The following ROBO2 variants were observed in gnomAD, a reference collection of about 807,000 sequenced individuals.
ROBO2 encodes the protein roundabout homolog 2.
A neutral mutation model predicts 160.8 loss-of-function variants in ROBO2; 53 were observed. The ratio of observed to expected loss-of-function variants is 0.33; its 90% CI spans 0.26 to 0.41. The LOEUF (loss-of-function observed/expected upper bound fraction) is 0.41, where lower values mean the gene tolerates loss of function less well. Ranked by LOEUF, ROBO2 falls within the 10% of genes least tolerant of loss-of-function variation. ROBO2 has a pLI of 1.00. For synonymous variants in ROBO2, 664 were observed against 611.7 expected, an observed-to-expected ratio of 1.09 and a Z score of -1.26; for missense variants, 1,577 against 1,722.4, an observed-to-expected ratio of 0.92 and a Z score of 1.49.
rs576685758 is a variant in ROBO2 at position 76,373,031 on chromosome 3, A to T, written c.109+435429A>T. On this transcript the variant is annotated intron_variant, in intron 2 of 26. Coordinates refer to the ROBO2 transcript ENST00000487694. ...CATATGTGAGCATCAGCATGAGTTC[A>T]CTTTCCCCACCAAAGAAAACTGTTT... Among the ~76,000 whole-genome samples the T allele has an allele frequency of 4.2e-4, 64 of 152,140 alleles. 1 individual carries two copies. The South Asian group carries it at 0.013, about 30-fold the overall frequency.
intron 2 of ROBO2, among the ~76,000 whole-genome samples, chr3:77,032,233 C>T (rs766997636): frequency 9.2e-5 from 14 of 152,144 alleles, no homozygotes; most frequent in Non-Finnish European, 1.6e-4. Flanking sequence ...GAAATCACTG[C>T]TGGCGAATAC....
At chr3:76,895,933 G>A (rs1000393332) in intron 2 of ROBO2, among the ~76,000 whole-genome samples, 2 of 152,106 alleles carry the variant, frequency 1.3e-5, no homozygotes, top group African/African-American at 2.4e-5. Flanking sequence ...GTAATAGGAC[G>A]CTTTCCTTTT....
intron 2 of ROBO2, among the ~76,000 whole-genome samples, chr3:76,958,382 C>A (rs1405584129): frequency 2.6e-5 from 4 of 152,236 alleles, no homozygotes; most frequent in Non-Finnish European, 5.9e-5. Flanking sequence ...TGATTTTTAT[C>A]TGTCTGCTCT....
In ROBO2 at chr3:76,132,396, G is replaced by T. The variant is rs928613858; in HGVS notation, c.109+194794G>T. 7.1e-4 allele frequency among the ~76,000 whole-genome samples: 65 copies of T among 91,794 alleles called. 3 individuals are homozygous for T. Among genetic ancestry groups the T allele is most frequent in the African/African-American group, 4.7e-3 (62 of 13,226 alleles). 60.2% of individuals were successfully genotyped at this position (91,794 alleles called of 152,430 possible). On this transcript the variant is annotated intron_variant, in intron 2 of 26. Coordinates refer to the ROBO2 transcript ENST00000487694. ...CACCTGCCCAAATTCCAGACTGTTG[G>T]GGGGGGGGGGGGACGCAGATGTTCA...
At chr3:77,219,483 T>A (rs1286346295) in intron 2 of ROBO2, among the ~76,000 whole-genome samples, 4 of 109,302 alleles carry the variant, frequency 3.7e-5, no homozygotes, top group Non-Finnish European at 4.0e-5. Context: ...TATATATATA[T>A]AATCTGTATA....
chr3:76,311,115 G>C (rs1449447813), intron 2 of ROBO2: 6 of 152,172 alleles, frequency 3.9e-5, no homozygotes, highest in Admixed American at 3.3e-4. Flanking sequence ...CTGAGGAGAA[G>C]GAGCCGGATC....
At chr3:75,979,332 T>A (rs575450840) in intron 2 of ROBO2, among the ~76,000 whole-genome samples, 1 of 151,548 alleles carries the variant, frequency 6.6e-6, no homozygotes, top group African/African-American at 2.4e-5. Context: ...GAGATAATAA[T>A]AGACTTGCTT....
At chr3:76,782,618 T>C (rs72894270) in intron 2 of ROBO2, among the ~76,000 whole-genome samples, 1,554 of 150,906 alleles carry the variant, frequency 0.01, 22 homozygotes, top group African/African-American at 0.035. Flanking sequence ...CATGACTTTG[T>C]TCTTTTGTAA....
chr3:76,419,455 A>G (rs910489914), intron 2 of ROBO2, among the ~76,000 whole-genome samples: 2 of 151,548 alleles, frequency 1.3e-5, no homozygotes, highest in African/African-American at 4.8e-5. Flanking sequence ...TTTTTTTTAA[A>G]TTTAACCTGG....
intron 2 of ROBO2, among the ~76,000 whole-genome samples, chr3:76,669,231 G>A (rs922056045): frequency 1.3e-5 from 2 of 152,132 alleles, no homozygotes; most frequent in African/African-American, 4.8e-5. Flanking sequence ...CTGATGAGAA[G>A]AGAAGGCATT....
intron 2 of ROBO2, among the ~76,000 whole-genome samples, chr3:76,142,519 T>A (rs1291629190): frequency 1.3e-5 from 2 of 151,956 alleles, no homozygotes; most frequent in Non-Finnish European, 2.9e-5. Flanking sequence ...ACAACATGGA[T>A]GGTACTGGAG....
At chr3:76,899,205 C>G (rs1197531961) in intron 2 of ROBO2, among the ~76,000 whole-genome samples, 1 of 152,010 alleles carries the variant, frequency 6.6e-6, no homozygotes, top group African/African-American at 2.4e-5. Flanking sequence ...AGCTCTTCAT[C>G]AGGGATTTAA....
intron 2 of ROBO2, among the ~76,000 whole-genome samples, chr3:76,773,187 G>A (rs1192817288): frequency 6.6e-6 from 1 of 150,888 alleles, no homozygotes; most frequent in African/African-American, 2.4e-5. Flanking sequence ...GTCACAACAT[G>A]ATTAAATCTG....
At chr3:76,428,877 G>T (rs1341920797) in intron 2 of ROBO2, among the ~76,000 whole-genome samples, 2 of 152,078 alleles carry the variant, frequency 1.3e-5, no homozygotes, top group Admixed American at 6.6e-5. Context: ...CTTCACGGTC[G>T]TGGGACTGAC....
chr3:77,404,465 A>G (rs1181823551), intron 2 of ROBO2, among the ~76,000 whole-genome samples: 1 of 152,178 alleles, frequency 6.6e-6, no homozygotes, highest in South Asian at 2.1e-4. Context: ...CACAAATAAC[A>G]AAGGATCATA....
chr3:77,518,074 A>G lies in ROBO2; in HGVS notation c.807-4701A>G, dbSNP rs561894266. Among the ~76,000 whole-genome samples the G allele has an allele frequency of 2.6e-5, 4 of 151,672 alleles. No individual in the cohort carries two copies. In the East Asian group the frequency reaches 5.8e-4, roughly 22 times the overall value. Reference sequence around the variant, plus strand: ...AAAGCTGTCTTGTAGGAGAGAGAGTATACTTTTCTGTTTGGCACAAGGAGT... The same window carrying G: ...AAAGCTGTCTTGTAGGAGAGAGAGTGTACTTTTCTGTTTGGCACAAGGAGT... On this transcript the variant is annotated intron_variant, in intron 5 of 25. Transcript: ENST00000461745.
chr3:76,530,434 C>T (rs990297050), intron 2 of ROBO2, among the ~76,000 whole-genome samples: 1 of 152,158 alleles, frequency 6.6e-6, no homozygotes, highest in Non-Finnish European at 1.5e-5. Context: ...CGAATTGCTC[C>T]CGCATCTCCA....
At chr3:77,384,288 C>T (rs1365806654) in intron 2 of ROBO2, among the ~76,000 whole-genome samples, 4 of 152,078 alleles carry the variant, frequency 2.6e-5, no homozygotes, top group African/African-American at 9.7e-5. Flanking sequence ...TCTGATTAAG[C>T]TTAGTCCTCA....
chr3:77,346,672 A>G (rs906437650), intron 2 of ROBO2, among the ~76,000 whole-genome samples: 3 of 152,130 alleles, frequency 2.0e-5, no homozygotes, highest in Non-Finnish European at 2.9e-5. Flanking sequence ...TGTTGCAGGA[A>G]TTCAGTGTTC....
Sources: gnomAD v4.1 joint callset for allele counts (sites outside exome capture counted in the v4.1 genomes callset) on GRCh38, gnomAD v4.1.1 for gene constraint, MANE v1.5 for transcripts, NCBI Gene and HGNC (gene_info 2026-07-23, HGNC 2026-07-21) for gene names.